Variants in NRXN1 observed in about 807,000 individuals in gnomAD.
The protein encoded by NRXN1 is neurexin-1.
A neutral mutation model predicts 150.9 loss-of-function variants in NRXN1; 39 were observed. The ratio of observed to expected loss-of-function variants is 0.26; its 90% CI spans 0.20 to 0.34. The LOEUF is 0.34. Ranked by LOEUF, NRXN1 falls within the 10% of genes least tolerant of loss-of-function variation. The pLI is 1.00. For missense variants in NRXN1, 1,815 were observed against 1,949.9 expected (o/e 0.93, Z 1.30); for synonymous variants, 924 against 757.0 (o/e 1.22, Z -3.62).
At chr2:50,231,979 C>A (rs1314772233) in intron 18 of NRXN1, among the ~76,000 whole-genome samples, 1 of 152,070 alleles carries the variant, frequency 6.6e-6, no homozygotes, top group Non-Finnish European at 1.5e-5. Flanking sequence ...TGTAACACTT[C>A]ACAGTTTGCA....
intron 18 of NRXN1, among the ~76,000 whole-genome samples, chr2:50,144,303 C>T (rs1292660789): frequency 6.6e-6 from 1 of 151,802 alleles, no homozygotes; most frequent in African/African-American, 2.4e-5. Flanking sequence ...TCAAGCCCTA[C>T]CTGAGCCTTG....
intron 21 of NRXN1, among the ~76,000 whole-genome samples, chr2:49,978,435 AGGTTTC>A (rs1679387639): frequency 1.3e-5 from 2 of 152,076 alleles, no homozygotes; most frequent in Non-Finnish European, 2.9e-5. Flanking sequence ...TCCATAGATA[AGGTTTC>A]TGAAAACAGA....
chr2:50,992,537 A>T (rs554853162), intron 2 of NRXN1, among the ~76,000 whole-genome samples: 1 of 152,116 alleles, frequency 6.6e-6, no homozygotes, highest in East Asian at 1.9e-4. Flanking sequence ...AGTTCTTTGT[A>T]GACAGAACAC....
chr2:50,568,743 A>G (rs941583524), intron 8 of NRXN1, among the ~76,000 whole-genome samples: 4 of 152,150 alleles, frequency 2.6e-5, no homozygotes, highest in African/African-American at 7.2e-5. Flanking sequence ...AGTTTCCTCA[A>G]AAAAACTAAA....
At chr2:50,177,717 T>C (rs1413857863) in intron 18 of NRXN1, among the ~76,000 whole-genome samples, 2 of 151,832 alleles carry the variant, frequency 1.3e-5, no homozygotes, top group African/African-American at 2.4e-5. Context: ...TACTCTAGAA[T>C]GTTTCCTGAA....
chr2:50,876,938 T>TA (rs1678683045), intron 5 of NRXN1, among the ~76,000 whole-genome samples: 1 of 151,912 alleles, frequency 6.6e-6, no homozygotes, highest in Non-Finnish European at 1.5e-5. Context: ...TTGCTTCTGT[T>TA]AAAATCTTAT....
At chr2:50,415,171 A>C (rs987252810) in intron 17 of NRXN1, among the ~76,000 whole-genome samples, 1 of 152,162 alleles carries the variant, frequency 6.6e-6, no homozygotes, top group Non-Finnish European at 1.5e-5. Flanking sequence ...AAAAAAGAAG[A>C]TAATCATTAC....
chr2:51,001,808 G>T (rs1334840184), intron 2 of NRXN1, among the ~76,000 whole-genome samples: 1 of 151,884 alleles, frequency 6.6e-6, no homozygotes, highest in Non-Finnish European at 1.5e-5. Flanking sequence ...TGCAGAAGCA[G>T]GAAGGTCACT....
chr2:50,521,660 T>A (rs571254146), intron 12 of NRXN1, among the ~76,000 whole-genome samples: 36 of 152,310 alleles, frequency 2.4e-4, no homozygotes, highest in Middle Eastern at 6.8e-3. Flanking sequence ...TAGCCAGTAA[T>A]CTGTTGAACA....
intron 2 of NRXN1, among the ~76,000 whole-genome samples, chr2:50,935,370 A>G (rs1688377007): frequency 6.6e-6 from 1 of 152,196 alleles, no homozygotes; most frequent in Non-Finnish European, 1.5e-5. Context: ...GATCCTATTA[A>G]GGAACTACTA....
At chr2:50,313,697 A>G (rs1288987526) in intron 17 of NRXN1, among the ~76,000 whole-genome samples, 1 of 152,150 alleles carries the variant, frequency 6.6e-6, no homozygotes, top group Non-Finnish European at 1.5e-5. Context: ...GACCCATTAA[A>G]CAAAAGCATA....
intron 5 of NRXN1, among the ~76,000 whole-genome samples, chr2:50,778,565 G>A (rs1170337595): frequency 6.6e-6 from 1 of 152,164 alleles, no homozygotes; most frequent in Non-Finnish European, 1.5e-5. Flanking sequence ...AAGGAAGGTG[G>A]CAGGATCCTT....
In NRXN1 at chr2:50,608,006, C is replaced by T. The variant is rs547834952; in HGVS notation, c.1320+12016G>A. On this transcript the variant is annotated intron_variant, in intron 8 of 22. Transcript: ENST00000401669. The stretch of plus-strand genomic sequence containing the variant: ...CTGACTTCCATCTCCAGAAAGAAGG[C>T]CAAGCCCACCTGGGGCCTGGGGGTA... 9.2e-5 allele frequency among the ~76,000 whole-genome samples: 14 copies of T among 151,986 alleles called. 1 individual carries two copies. The highest frequency in any genetic ancestry group is 3.1e-4 in the African/African-American group (13 of 41,470).
intron 5 of NRXN1, among the ~76,000 whole-genome samples, chr2:50,734,222 C>T (rs996784830): frequency 1.3e-5 from 2 of 152,122 alleles, no homozygotes; most frequent in Admixed American, 6.5e-5. Flanking sequence ...TCTTCAGAAA[C>T]CCCGTCCTAA....
chr2:49,947,098 C>T (rs556818281), intron 21 of NRXN1, among the ~76,000 whole-genome samples: 5 of 152,226 alleles, frequency 3.3e-5, no homozygotes, highest in African/African-American at 1.2e-4. Context: ...CCAATTCCCT[C>T]CAGAGGAGAT....
At chr2:50,219,974 TAATA>T (rs1321785845) in intron 18 of NRXN1, among the ~76,000 whole-genome samples, 2 of 52,172 alleles carry the variant, frequency 3.8e-5, no homozygotes, top group African/African-American at 1.7e-4. Flanking sequence ...TATATATATA[TAATA>T]TATATATTAT....
intron 5 of NRXN1, among the ~76,000 whole-genome samples, chr2:50,843,268 C>A (rs1673138638): frequency 6.6e-6 from 1 of 152,146 alleles, no homozygotes; most frequent in South Asian, 2.1e-4. Flanking sequence ...AAACATTTTT[C>A]CTCCAATGGA....
At chr2:50,861,725 T>C (rs1027647339) in intron 5 of NRXN1, among the ~76,000 whole-genome samples, 3 of 152,118 alleles carry the variant, frequency 2.0e-5, no homozygotes, top group African/African-American at 7.2e-5. Flanking sequence ...TAATTAATCA[T>C]AATCTCAGGT....
chr2:49,980,177 A>G (rs1679752252), intron 21 of NRXN1, among the ~76,000 whole-genome samples: 1 of 152,190 alleles, frequency 6.6e-6, no homozygotes. Flanking sequence ...AATCAGAACT[A>G]GCGTTCCAGA....
Sources: gnomAD v4.1 joint callset for allele counts (sites outside exome capture counted in the v4.1 genomes callset) on GRCh38, gnomAD v4.1.1 for gene constraint, MANE v1.5 for transcripts, NCBI Gene and HGNC (gene_info 2026-07-23, HGNC 2026-07-21) for gene names.